The following CHD8 variants were observed in gnomAD, a reference collection of about 807,000 sequenced individuals.
CHD8 encodes the protein chromodomain helicase DNA binding protein 8, also known as ATP-dependent chromatin remodeler CHD8.
CHD8 carries 31 observed loss-of-function variants against 279.2 expected under a neutral mutation model. The ratio of observed to expected loss-of-function variants is 0.11; its 90% CI spans 0.08 to 0.15. CHD8 has a LOEUF of 0.15. CHD8 is among the 10% of genes least tolerant of loss of function. CHD8 has a pLI of 1.00. For missense variants in CHD8, 2,146 were observed against 3,230.5 expected (o/e 0.66, Z 8.14); for synonymous variants, 1,081 against 1,139.6 (o/e 0.95, Z 1.04).
At chr14:21,430,551 G>A (rs1478807501) in intron 2 of CHD8, 2 of 441,732 alleles carry the variant, frequency 4.5e-6, no homozygotes, top group Non-Finnish European at 8.2e-6. Flanking sequence ...TAAGGACAGG[G>A]ACTGTGTTTG....
At chr14:21,427,718 T>C (rs560546546) in intron 4 of CHD8, 151 bp downstream of exon 4, 1 of 1,517,112 alleles carries the variant, frequency 6.6e-7, no homozygotes, top group Non-Finnish European at 8.8e-7. Context: ...CCCATCACAG[T>C]AGTAAGGAGC....
intron 10 of CHD8, among the ~76,000 whole-genome samples, chr14:21,412,025 T>C (rs1033726369): frequency 2.3e-4 from 34 of 150,626 alleles, no homozygotes; most frequent in Non-Finnish European, 3.7e-4. Flanking sequence ...GATCACACCA[T>C]TGCACCCCAA....
chr14:21,426,104 TAAA>T, intron 5 of CHD8, 21 bp downstream of exon 5: 1 of 1,390,344 alleles, frequency 7.2e-7, no homozygotes, highest in Admixed American at 1.8e-5. Context: ...TTTTTTCTAC[TAAA>T]TTCTTTTGGG....
chr14:21,393,046 G>T (rs1887621038), intron 33 of CHD8, 60 bp downstream of exon 33: 3 of 1,536,302 alleles, frequency 2.0e-6, no homozygotes, highest in African/African-American at 2.8e-5. Flanking sequence ...TTTTTCCCCG[G>T]ATATACTGTT....
Position 21,393,547 on chromosome 14 carries a change from G to A in CHD8, c.6248C>T (p.Ser2083Phe), listed in dbSNP as rs545239905. ...GGAGCTGGATGAGGATGAGGAAGAA[G>A]AAGAAGATGGTGACAGCTTGCTCAA... is the stretch of plus-strand genomic sequence containing the variant. ...LDLSKLSPSSSSSSSSSSSSS... is the reference protein window; with the variant it reads ...LDLSKLSPSSFSSSSSSSSSS... The change falls in exon 32 of 38, where the codon TCT becomes TTT. Residue 2083 changes from serine (S) to phenylalanine (F), a missense_variant. Physicochemically the swap from Ser to Phe is radical, Grantham distance 155. Transcript: ENST00000646647. 8.7e-6 allele frequency: 14 copies of A among 1,608,058 alleles called. No homozygotes were observed. The Admixed American group carries it at 2.4e-4, about 27-fold the overall frequency.
At chr14:21,418,107 T>C (rs1485457102) in intron 5 of CHD8, among the ~76,000 whole-genome samples, 2 of 152,050 alleles carry the variant, frequency 1.3e-5, no homozygotes, top group Admixed American at 6.6e-5. Context: ...TTATTTAGCA[T>C]AGATGAACTA....
In CHD8 at chr14:21,431,057, T is replaced by C. The variant is rs1317778473; in HGVS notation, c.587A>G (p.Asn196Ser). 7 of 1,599,352 alleles carry C rather than the reference T, an allele frequency of 4.4e-6. No individual in the cohort carries two copies. The highest frequency in any genetic ancestry group is 2.2e-5 in the East Asian group (1 of 44,868). The change falls in exon 2 of 38, where the codon AAT (asparagine) becomes AGT (serine). Residue 196 changes from asparagine to serine, a missense_variant. Asn to Ser is a conservative substitution (Grantham distance 46). Around this residue, in one of 26 missense-constraint regions of CHD8, gnomAD observed 302 missense variants for 325.5 expected, o/e 0.93. Transcript: ENST00000646647. ...TTTGGTAAAAGTGACTTTTCCACCA[T>C]TGGCTGTGCCTGCCACCAGGGGCTG... Reference protein sequence around the residue: ...TAQPLVAGTANGGKVTFTKVL... With the variant: ...TAQPLVAGTASGGKVTFTKVL...
intron 1 of CHD8, among the ~76,000 whole-genome samples, chr14:21,454,479 G>A (rs1411471721): frequency 1.3e-5 from 2 of 152,004 alleles, no homozygotes; most frequent in South Asian, 2.1e-4. Flanking sequence ...CACCATGCCC[G>A]GCTAATTTTT....
chr14:21,433,405 T>C (rs147596936), intron 1 of CHD8, among the ~76,000 whole-genome samples: 1 of 152,324 alleles, frequency 6.6e-6, no homozygotes, highest in African/African-American at 2.4e-5. Context: ...AAATATCTGT[T>C]CTTTGTATAT....
At chr14:21,438,366 A>G (rs1035440208) in intron 1 of CHD8, among the ~76,000 whole-genome samples, 1 of 151,336 alleles carries the variant, frequency 6.6e-6, no homozygotes, top group Non-Finnish European at 1.5e-5. Context: ...CAGCCAGGAC[A>G]CTGTTATTAA....
rs761601600 is a variant in CHD8, at chr14:21,392,541, A to G, written c.6737T>C (p.Met2246Thr). 3.1e-6 allele frequency: 5 copies of G among 1,613,036 alleles called. No individual in the cohort carries two copies. Among genetic ancestry groups the G allele is most frequent in the South Asian group, 1.1e-5 (1 of 91,024 alleles). Residue 2246 changes from methionine to threonine, a missense_variant, in exon 34 of 38, where the codon ATG becomes ACG. This residue lies in a region of CHD8 where 513 missense variants were observed against 637.6 expected (regional missense o/e 0.80). Coordinates refer to ENST00000646647, the MANE Select transcript of CHD8 (RefSeq NM_001170629.2). ...TTGAACTGTAAACTCCTTTTCATCC[A>G]TGCCTCGGCGAAGTTTGGTGAACTG... ...AAQFTKLRRG[M>T]DEKEFTVQIK... is the part of the protein sequence containing the mutation.
chr14:21,386,406 G>T, intron 37 of CHD8: 1 of 563,974 alleles, frequency 1.8e-6, no homozygotes, highest in Non-Finnish European at 3.1e-6. Flanking sequence ...ATTTTGTACC[G>T]AAACTCATAT....
Position 21,385,539 on chromosome 14 carries a change from C to T in CHD8, c.*74G>A, listed in dbSNP as rs1393449879. 6.8e-7 allele frequency: 1 copy of T among 1,469,066 alleles called. No homozygotes were observed. Among genetic ancestry groups the T allele is most frequent in the Non-Finnish European group, 9.0e-7 (1 of 1,110,982 alleles). 91.0% of individuals were successfully genotyped at this position (1,469,066 alleles called of 1,614,324 possible). A position where few individuals can be genotyped will look rare whatever the true frequency, so the allele number is the denominator to read the frequency against. On this transcript the variant is annotated 3_prime_UTR_variant, in exon 38 of 38. Transcript: ENST00000646647. ...CCCCACATCTCCCCTGCCCCTCCCACGTTTCCATAGTCCAAGGGCCAGAGT... is the reference window on the plus strand; with the variant it reads ...CCCCACATCTCCCCTGCCCCTCCCATGTTTCCATAGTCCAAGGGCCAGAGT...
chr14:21,390,401 T>C (rs1334762763), intron 37 of CHD8, among the ~76,000 whole-genome samples: 1 of 152,178 alleles, frequency 6.6e-6, no homozygotes, highest in Non-Finnish European at 1.5e-5. Context: ...TAAATTTTCA[T>C]ATGCATCAAG....
At position 21,431,957 on chromosome 14, in the gene CHD8, T is replaced by C. The variant is rs545223660; in HGVS notation, c.-215-99A>G. ...GTACTGTTCTTAATATCAAATAGCA[T>C]GAATATAAGAGGGAAATGTGAGGAA... is the stretch of plus-strand genomic sequence containing the variant. On this transcript the variant is annotated intron_variant, in intron 1 of 37. Coordinates refer to ENST00000646647, the MANE Select transcript of CHD8 (RefSeq NM_001170629.2). 118 of 730,914 alleles carry C rather than the reference T, an allele frequency of 1.6e-4. 1 individual carries two copies. Among genetic ancestry groups the C allele is most frequent in the African/African-American group, 1.4e-3 (83 of 57,580 alleles). 45.3% of individuals were successfully genotyped at this position (730,914 alleles called of 1,614,324 possible).
At chr14:21,450,668 AC>A (rs1367069627) in intron 1 of CHD8, among the ~76,000 whole-genome samples, 2 of 152,038 alleles carry the variant, frequency 1.3e-5, no homozygotes, top group Non-Finnish European at 2.9e-5. Flanking sequence ...TTAAAAAAAA[AC>A]AAAAACAGAA....
intron 2 of CHD8, 188 bp from the exon 3 acceptor site, chr14:21,429,523 C>T: frequency 1.3e-6 from 1 of 746,680 alleles, no homozygotes; most frequent in Non-Finnish European, 2.4e-6. Flanking sequence ...CAGGGTCTCG[C>T]TGTATTGCCC....
rs1450134460 is a variant in CHD8 at position 21,401,457 on chromosome 14, A to G, written c.4119T>C (p.Phe1373=). The G allele has an allele frequency of 6.2e-7, 1 of 1,601,920 alleles. No homozygotes were observed. Among genetic ancestry groups the G allele is most frequent in the Non-Finnish European group, 8.5e-7 (1 of 1,173,824 alleles). Residue 1373 remains phenylalanine, a synonymous_variant, in exon 21 of 38, where the codon TTT becomes TTC. Coordinates refer to ENST00000646647, the MANE Select transcript of CHD8 (RefSeq NM_001170629.2). ...CAGCCTTTTTGGCCCACTTTTGCCA[A>G]AAGTTGGGGTCATCCAAAGAAATAT... ...RTDISLDDPN[F]WQKWAKKADL...
In CHD8 at chr14:21,394,185, G is replaced by A. The variant is rs370406164; in HGVS notation, c.5610C>T (p.Asp1870=). The A allele has an allele frequency of 6.2e-7, 1 of 1,607,510 alleles. No homozygotes were observed. Among genetic ancestry groups the A allele is most frequent in the Non-Finnish European group, 8.5e-7 (1 of 1,175,456 alleles). Reference sequence around the variant, plus strand: ...TGATGGGCTCAATGAACAGGTTAGGGTCGGGGGGTTCTGCAAGAGACAGGA... The same window carrying A: ...TGATGGGCTCAATGAACAGGTTAGGATCGGGGGGTTCTGCAAGAGACAGGA... ...LPPAAGDEPP[D]PNLFIEPITE... is the part of the protein sequence containing the mutation. The change falls in exon 32 of 38, where the codon GAC becomes GAT. Residue 1870 remains aspartate, a synonymous_variant. Coordinates refer to ENST00000646647, the MANE Select transcript of CHD8 (RefSeq NM_001170629.2).
Sources: gnomAD v4.1 joint callset for allele counts (sites outside exome capture counted in the v4.1 genomes callset) on GRCh38, gnomAD v4.1.1 for gene constraint, gnomAD v4.1.1 regional missense constraint, MANE v1.5 for transcripts, NCBI Gene and HGNC (gene_info 2026-07-23, HGNC 2026-07-21) for gene names.